ACYP2: variants seen among roughly 807,000 people sequenced by gnomAD.
The protein encoded by ACYP2 is acylphosphatase-2.
A neutral mutation model predicts 11.2 loss-of-function variants in ACYP2; 12 were observed. The observed-to-expected ratio is 1.08, with a 90% CI of 0.69 to 1.74. ACYP2 has a LOEUF of 1.74. Ranked by LOEUF, ACYP2 falls within the 40% of genes most tolerant of loss-of-function variation. ACYP2 has a pLI of 0.00. For missense variants in ACYP2, 134 were observed against 101.9 expected, an observed-to-expected ratio of 1.31 and a Z score of -1.35; for synonymous variants, 43 against 32.2, an observed-to-expected ratio of 1.33 and a Z score of -1.13.
intron 2 of ACYP2, among the ~76,000 whole-genome samples, chr2:54,045,189 A>C (rs1675445951): frequency 6.6e-6 from 1 of 152,136 alleles, no homozygotes; most frequent in African/African-American, 2.4e-5. Context: ...TCCACATCCT[A>C]ATGATTTCAT....
chr2:54,304,408 G>C (rs1689839524), intron 6 of ACYP2, among the ~76,000 whole-genome samples: 1 of 152,134 alleles, frequency 6.6e-6, no homozygotes. Flanking sequence ...TGGCCTTGGA[G>C]TGTTTTAAGT....
At chr2:54,043,868 G>A (rs1192160921) in intron 2 of ACYP2, among the ~76,000 whole-genome samples, 10 of 152,060 alleles carry the variant, frequency 6.6e-5, no homozygotes. Flanking sequence ...CTGGGGGCTA[G>A]CTGTGATTCC....
chr2:54,073,081 CTT>C (rs1677151357), intron 4 of ACYP2, among the ~76,000 whole-genome samples: 1 of 152,162 alleles, frequency 6.6e-6, no homozygotes, highest in Admixed American at 6.5e-5. Context: ...GAAATAAACT[CTT>C]ATATTTACAG....
chr2:53,978,398 A>T (rs1472437823), intron 2 of ACYP2, among the ~76,000 whole-genome samples: 1 of 152,210 alleles, frequency 6.6e-6, no homozygotes, highest in African/African-American at 2.4e-5. Context: ...ATACCTGTCC[A>T]CCAAGTTATA....
intron 4 of ACYP2, among the ~76,000 whole-genome samples, chr2:54,064,517 T>C (rs1416574976): frequency 6.6e-6 from 1 of 152,196 alleles, no homozygotes; most frequent in Non-Finnish European, 1.5e-5. Context: ...TTCTTCCTAG[T>C]GGTAATATCT....
intron 4 of ACYP2, among the ~76,000 whole-genome samples, chr2:54,091,318 A>C (rs1472333026): frequency 6.6e-6 from 1 of 152,202 alleles, no homozygotes; most frequent in Admixed American, 6.5e-5. Context: ...GTAGGAAATC[A>C]ATATATACTT....
chr2:53,997,527 A>G (rs1672630101), intron 2 of ACYP2, among the ~76,000 whole-genome samples: 1 of 146,828 alleles, frequency 6.8e-6, no homozygotes, highest in Non-Finnish European at 1.5e-5. Context: ...GCTGATCTCG[A>G]ACTCCTGACC....
chr2:54,255,463 A>T, intron 6 of ACYP2: 1 of 1,613,920 alleles, frequency 6.2e-7, no homozygotes, highest in Non-Finnish European at 8.5e-7. Flanking sequence ...AATCTGCCCA[A>T]ACCTGCGCTC....
intron 4 of ACYP2, among the ~76,000 whole-genome samples, chr2:54,134,541 G>A (rs1487688240): frequency 1.3e-5 from 2 of 151,966 alleles, no homozygotes; most frequent in Non-Finnish European, 2.9e-5. Context: ...TAACTATTTT[G>A]TTTTATTTAG....
chr2:54,037,996 C>A (rs939170900), intron 2 of ACYP2, among the ~76,000 whole-genome samples: 4 of 152,176 alleles, frequency 2.6e-5, no homozygotes, highest in African/African-American at 7.2e-5. Flanking sequence ...ATCTCCGAAG[C>A]TTTCTCTCCT....
chr2:54,094,383 A>G (rs1342046769), intron 4 of ACYP2, among the ~76,000 whole-genome samples: 1 of 152,008 alleles, frequency 6.6e-6, no homozygotes, highest in East Asian at 1.9e-4. Context: ...ATGTGCCACC[A>G]TGCCTAGCTA....
chr2:54,178,439 C>A (rs1683567063), intron 6 of ACYP2, among the ~76,000 whole-genome samples: 1 of 152,088 alleles, frequency 6.6e-6, no homozygotes, highest in South Asian at 2.1e-4. Flanking sequence ...AACGTATTTT[C>A]AAGATGATTG....
chr2:54,133,086 C>T, intron 4 of ACYP2, among the ~76,000 whole-genome samples: 1 of 152,096 alleles, frequency 6.6e-6, no homozygotes. Context: ...TAATCCTCAC[C>T]ACAACTGAGA....
chr2:53,991,286 C>T (rs1202156856), intron 2 of ACYP2, among the ~76,000 whole-genome samples: 1 of 152,126 alleles, frequency 6.6e-6, no homozygotes, highest in Non-Finnish European at 1.5e-5. Flanking sequence ...TTCCCAGTTT[C>T]TGGGTATTAC....
chr2:54,247,566 A>C (rs1429790292), intron 6 of ACYP2, among the ~76,000 whole-genome samples: 1 of 152,216 alleles, frequency 6.6e-6, no homozygotes, highest in East Asian at 1.9e-4. Context: ...TTCAAAAGAA[A>C]TTGTCATAAT....
intron 6 of ACYP2, among the ~76,000 whole-genome samples, chr2:54,156,844 T>C (rs1682456950): frequency 6.6e-6 from 1 of 152,056 alleles, no homozygotes; most frequent in African/African-American, 2.4e-5. Flanking sequence ...ATTTTTGTAG[T>C]GTTAGTAGAA....
chr2:54,249,988 C>A (rs1165224172), intron 6 of ACYP2, among the ~76,000 whole-genome samples: 1 of 149,996 alleles, frequency 6.7e-6, no homozygotes, highest in African/African-American at 2.5e-5. Flanking sequence ...TAGTTTTCAT[C>A]CTTTAAGTGG....
chr2:54,242,472 A>G (rs1686769558), intron 6 of ACYP2, among the ~76,000 whole-genome samples: 1 of 152,240 alleles, frequency 6.6e-6, no homozygotes, highest in African/African-American at 2.4e-5. Flanking sequence ...TGCTTTAGGT[A>G]AAATATATAC....
At chr2:54,225,754 TG>T (rs1685987208) in intron 6 of ACYP2, among the ~76,000 whole-genome samples, 4 of 152,236 alleles carry the variant, frequency 2.6e-5, no homozygotes, top group Admixed American at 2.6e-4. Flanking sequence ...TTCCAATTAA[TG>T]GTAATCATTT....
Sources: allele counts gnomAD v4.1 joint callset (sites outside exome capture counted in the v4.1 genomes callset), GRCh38; gene constraint gnomAD v4.1.1; transcripts MANE v1.5; gene names NCBI Gene and HGNC (gene_info 2026-07-23, HGNC 2026-07-21).